PHLDB3: variants seen among roughly 807,000 people sequenced by gnomAD.
PHLDB3 encodes the protein pleckstrin homology-like domain family B member 3.
Under a neutral mutation model 85.7 loss-of-function variants are expected in PHLDB3, and 86 were observed. The observed-to-expected ratio is 1.00, with a 90% confidence interval of 0.84 to 1.20. The LOEUF (loss-of-function observed/expected upper bound fraction) is 1.20, where lower values mean the gene tolerates loss of function less well. Among genes scored for constraint, PHLDB3 ranks in the 50% most tolerant of loss-of-function variants. The pLI is 0.00. For missense variants in PHLDB3, 995 were observed against 873.0 expected (o/e 1.14, Z -1.76); for synonymous variants, 376 against 349.8 (o/e 1.07, Z -0.83).
rs970379459 is a variant in PHLDB3 at position 43,499,967 on chromosome 19, C to T, written c.534+1767G>A. Among the ~76,000 whole-genome samples the T allele has an allele frequency of 3.3e-5, 5 of 152,058 alleles. No individual in the cohort carries two copies. In the South Asian group the frequency reaches 6.2e-4, roughly 19 times the overall value. ...TGTTGGCCAGGCTGGCCTCGAACTGCGGTGGCTCATACCTGTAATCCCAGC... is the reference window on the plus strand; with the variant it reads ...TGTTGGCCAGGCTGGCCTCGAACTGTGGTGGCTCATACCTGTAATCCCAGC... On this transcript the variant is annotated intron_variant, in intron 4 of 15. Transcript: ENST00000292140.
chr19:43,479,282 A>C lies in PHLDB3; in HGVS notation c.1702+95T>G, dbSNP rs914927373. 5 of 1,290,112 alleles carry C rather than the reference A, an allele frequency of 3.9e-6. No homozygotes were observed. The African/African-American group carries it at 7.4e-5, about 19-fold the overall frequency. The allele number at this position is 1,290,112 out of a possible 1,614,324, so 79.9% of individuals were successfully genotyped here. On this transcript the variant is annotated intron_variant, in intron 14 of 15. Transcript: ENST00000292140. The stretch of plus-strand genomic sequence containing the variant: ...AACTTCTGGATCCTGGGGAACATGG[A>C]AAGTGGGGGCCAGGACTTCTGGTGC...
At chr19:43,480,264 TAAAAAAAAAAAAAAA>T (rs57417757) in intron 13 of PHLDB3, among the ~76,000 whole-genome samples, 3 of 71,608 alleles carry the variant, frequency 4.2e-5, no homozygotes, top group African/African-American at 1.2e-4. Flanking sequence ...CTTCTCTATT[TAAAAAAAAAAAAAAA>T]AAAAAAAAAA....
intron 6 of PHLDB3, 176 bp downstream of exon 6, chr19:43,496,942 G>T: frequency 1.0e-6 from 1 of 968,286 alleles, no homozygotes; most frequent in Non-Finnish European, 1.3e-6. Flanking sequence ...AAATGCTCAT[G>T]AAATATTCAG....
intron 4 of PHLDB3, among the ~76,000 whole-genome samples, chr19:43,500,096 G>A (rs944020872): frequency 4.6e-5 from 7 of 152,050 alleles, no homozygotes; most frequent in Non-Finnish European, 1.0e-4. Context: ...AAAATTACCC[G>A]GGCATGGTGG....
intron 9 of PHLDB3, among the ~76,000 whole-genome samples, chr19:43,491,224 T>G (rs184942987): frequency 1.3e-5 from 2 of 152,312 alleles, no homozygotes; most frequent in African/African-American, 4.8e-5. Flanking sequence ...TTCATCAGGT[T>G]TCCAGGGGAA....
intron 4 of PHLDB3, 39 bp from the exon 5 acceptor site, chr19:43,497,915 T>C (rs374842966): frequency 1.7e-5 from 27 of 1,568,622 alleles, no homozygotes; most frequent in African/African-American, 1.1e-4. Context: ...AGCTTAAGCA[T>C]AGCGGGAGAA....
intron 15 of PHLDB3, 44 bp downstream of exon 15, chr19:43,478,003 T>G: frequency 3.3e-6 from 5 of 1,513,932 alleles, no homozygotes; most frequent in African/African-American, 1.4e-5. Context: ...TGACTCCAAC[T>G]GAGTCTCCAA....
chr19:43,491,387 T>C (rs1971307728), intron 9 of PHLDB3, among the ~76,000 whole-genome samples: 1 of 152,180 alleles, frequency 6.6e-6, no homozygotes, highest in African/African-American at 2.4e-5. Flanking sequence ...CGACTGTTTC[T>C]TGCCTCCAAA....
intron 13 of PHLDB3, among the ~76,000 whole-genome samples, chr19:43,481,047 A>T (rs1201794294): frequency 6.6e-6 from 1 of 152,152 alleles, no homozygotes; most frequent in African/African-American, 2.4e-5. Context: ...ATTTTGTTAA[A>T]ATGTTAAAAT....
At chr19:43,485,527 TAAATAA>T (rs1219877396) in intron 13 of PHLDB3, among the ~76,000 whole-genome samples, 1 of 150,132 alleles carries the variant, frequency 6.7e-6, no homozygotes, top group African/African-American at 2.4e-5. Context: ...GTTTTTTAAA[TAAATAA>T]AAATAAAAAC....
At position 43,489,369 on chromosome 19, in the gene PHLDB3, GT is replaced by G. The variant is rs57304377; in HGVS notation, c.1150-2247del. On this transcript the variant is annotated intron_variant, in intron 9 of 15. Coordinates refer to ENST00000292140, the MANE Select transcript of PHLDB3 (RefSeq NM_198850.4). ...GCGACAGTGAGATCTATCTCTTAAAGTTTTTTTTTTTTTTTTTTTAAGCGAG... is the reference window on the plus strand; with the variant it reads ...GCGACAGTGAGATCTATCTCTTAAAGTTTTTTTTTTTTTTTTTTAAGCGAG... Among the ~76,000 whole-genome samples, 1,340 of 140,290 alleles carry G rather than the reference GT, an allele frequency of 9.6e-3. 11 individuals carry two copies. The highest frequency in any genetic ancestry group is 0.017 in the Admixed American group (238 of 13,792). The allele number at this position is 140,290 out of a possible 152,430, so 92.0% of individuals were successfully genotyped here.
At chr19:43,502,432 AG>A in intron 2 of PHLDB3, 149 bp from the exon 3 acceptor site, 1 of 682,830 alleles carries the variant, frequency 1.5e-6, no homozygotes, top group Non-Finnish European at 2.3e-6. Context: ...AATCTGTCGC[AG>A]GCTCTTTTCT....
At chr19:43,478,949 G>C (rs1970982006) in intron 14 of PHLDB3, among the ~76,000 whole-genome samples, 2 of 152,056 alleles carry the variant, frequency 1.3e-5, no homozygotes, top group South Asian at 2.1e-4. Context: ...ACAAAAAAAA[G>C]TGTCCAAGGA....
At chr19:43,476,428 T>C (rs941243485) in intron 15 of PHLDB3, among the ~76,000 whole-genome samples, 1 of 152,122 alleles carries the variant, frequency 6.6e-6, no homozygotes, top group African/African-American at 2.4e-5. Context: ...ATTGATTGCT[T>C]GAACTCAGGA....
chr19:43,495,120 G>A (rs964200333), intron 8 of PHLDB3, 136 bp downstream of exon 8: 1 of 777,482 alleles, frequency 1.3e-6, no homozygotes, highest in Non-Finnish European at 1.9e-6. Context: ...AGGGAGGAGG[G>A]GCTGGGGCCT....
chr19:43,497,608 A>G lies in PHLDB3; in HGVS notation c.663+140T>C, dbSNP rs555428230. On this transcript the variant is annotated intron_variant, in intron 5 of 15. Coordinates refer to ENST00000292140, the MANE Select transcript of PHLDB3 (RefSeq NM_198850.4). ...GCACCTGTAGTCCCAGCTACACGGG[A>G]GGCTGAGATGGGAGAATCGCTTGAA... 96 of 921,358 alleles carry G rather than the reference A, an allele frequency of 1.0e-4. 1 individual carries two copies. In the African/African-American group the frequency reaches 1.4e-3, roughly 14 times the overall value. The allele number at this position is 921,358 out of a possible 1,614,324, so 57.1% of individuals were successfully genotyped here. A position where few individuals can be genotyped will look rare whatever the true frequency, so the allele number is the denominator to read the frequency against.
intron 9 of PHLDB3, among the ~76,000 whole-genome samples, chr19:43,493,805 T>C (rs1158374913): frequency 6.6e-6 from 1 of 151,636 alleles, no homozygotes; most frequent in Non-Finnish European, 1.5e-5. Flanking sequence ...AGCCAACTAG[T>C]AGCTAATATA....
chr19:43,503,777 C>T, intron 2 of PHLDB3, 129 bp downstream of exon 2: 1 of 1,034,512 alleles, frequency 9.7e-7, no homozygotes, highest in Non-Finnish European at 1.4e-6. Flanking sequence ...TCTCTGCTAT[C>T]ACTCGGTCTC....
At chr19:43,495,910 T>C (rs770340707) in intron 6 of PHLDB3, 1 of 352,590 alleles carries the variant, frequency 2.8e-6, no homozygotes, top group South Asian at 7.6e-5. Context: ...AAAGAAAAGA[T>C]AGAAATAGAA....
Sources: gnomAD v4.1 joint callset for allele counts (sites outside exome capture counted in the v4.1 genomes callset) on GRCh38, gnomAD v4.1.1 for gene constraint, MANE v1.5 for transcripts, NCBI Gene and HGNC (gene_info 2026-07-23, HGNC 2026-07-21) for gene names.